Variants in PCDH15 observed in about 807,000 individuals in gnomAD.
PCDH15 encodes the protein protocadherin-15.
Under a neutral mutation model 178.5 loss-of-function variants are expected in PCDH15, and 129 were observed. That is an observed-to-expected ratio of 0.72 (90% CI 0.63 to 0.84). The LOEUF (loss-of-function observed/expected upper bound fraction) is 0.84, where lower values mean the gene tolerates loss of function less well. Ranked by LOEUF, PCDH15 falls within the 40% of genes least tolerant of loss-of-function variation. The probability of loss-of-function intolerance (pLI) is 0.00; values close to 1 mark genes in which losing one functional copy is unlikely to be tolerated. For synonymous variants in PCDH15, 800 were observed against 732.0 expected, an observed-to-expected ratio of 1.09 and a Z score of -1.50; for missense variants, 2,230 against 2,099.9, an observed-to-expected ratio of 1.06 and a Z score of -1.21.
intron 2 of PCDH15, among the ~76,000 whole-genome samples, chr10:55,011,046 T>C (rs551926825): frequency 4.1e-4 from 63 of 151,996 alleles, no homozygotes; most frequent in Non-Finnish European, 7.2e-4. Context: ...GAGGAATAAC[T>C]GAAAGAGGAT....
intron 3 of PCDH15, among the ~76,000 whole-genome samples, chr10:54,854,363 A>C (rs56855093): frequency 1.3e-5 from 2 of 152,102 alleles, no homozygotes; most frequent in Non-Finnish European, 2.9e-5. Flanking sequence ...TTTCAGCCCT[A>C]TTTGTGTTAC....
intron 1 of PCDH15, among the ~76,000 whole-genome samples, chr10:55,192,208 T>A (rs1409954962): frequency 6.6e-6 from 1 of 151,868 alleles, no homozygotes; most frequent in African/African-American, 2.4e-5. Context: ...AGAGACAGGA[T>A]GAAATTTGTA....
intron 1 of PCDH15, among the ~76,000 whole-genome samples, chr10:55,220,777 A>T (rs1369041579): frequency 6.6e-6 from 1 of 152,196 alleles, no homozygotes; most frequent in East Asian, 1.9e-4. Flanking sequence ...ATTTTTTCCT[A>T]TGGATATAAA....
At chr10:55,368,256 C>T (rs1355125186) in intron 2 of PCDH15, among the ~76,000 whole-genome samples, 4 of 152,082 alleles carry the variant, frequency 2.6e-5, no homozygotes, top group Admixed American at 6.6e-5. Context: ...TCAGTGTACA[C>T]ATAACATCAT....
chr10:54,321,893 G>A (rs1427765279), intron 7 of PCDH15, among the ~76,000 whole-genome samples: 1 of 151,858 alleles, frequency 6.6e-6, no homozygotes, highest in East Asian at 1.9e-4. Context: ...TTCCACACGT[G>A]GGAATTCTCC....
chr10:55,072,174 C>G (rs1841763847), intron 2 of PCDH15, among the ~76,000 whole-genome samples: 1 of 152,038 alleles, frequency 6.6e-6, no homozygotes, highest in Non-Finnish European at 1.5e-5. Flanking sequence ...ACCCTAACAT[C>G]ACAATTAAAA....
At chr10:54,271,421 G>C (rs559560313) in intron 8 of PCDH15, among the ~76,000 whole-genome samples, 62 of 152,130 alleles carry the variant, frequency 4.1e-4, no homozygotes, top group Admixed American at 1.3e-3. Context: ...AATTGGCGAG[G>C]CTGGTTTCGA....
intron 2 of PCDH15, among the ~76,000 whole-genome samples, chr10:55,544,310 G>A (rs1466084697): frequency 1.3e-5 from 2 of 150,978 alleles, no homozygotes; most frequent in East Asian, 3.9e-4. Flanking sequence ...GTTTTCCTCA[G>A]GTAATTTTGA....
At chr10:54,417,664 T>A (rs1487141944) in intron 3 of PCDH15, among the ~76,000 whole-genome samples, 1 of 152,204 alleles carries the variant, frequency 6.6e-6, no homozygotes, top group Non-Finnish European at 1.5e-5. Context: ...ACATTATTTG[T>A]CTTTTGAAAT....
At chr10:55,172,405 C>A (rs1193931074) in intron 1 of PCDH15, among the ~76,000 whole-genome samples, 1 of 151,552 alleles carries the variant, frequency 6.6e-6, no homozygotes, top group Non-Finnish European at 1.5e-5. Flanking sequence ...AAAGATAGGG[C>A]ATAATATCCT....
At chr10:54,877,934 CTCTCTTTTTTTTTTTTTTT>C (rs1954176097) in intron 3 of PCDH15, among the ~76,000 whole-genome samples, 3 of 28,778 alleles carry the variant, frequency 1.0e-4, no homozygotes, top group Non-Finnish European at 6.7e-5. Flanking sequence ...TTCTCTCTCT[CTCTCTTTTTTTTTTTTTTT>C]TTTTTTTTTT....
intron 1 of PCDH15, among the ~76,000 whole-genome samples, chr10:54,790,357 T>G (rs1363771298): frequency 6.6e-6 from 1 of 151,212 alleles, no homozygotes; most frequent in Non-Finnish European, 1.5e-5. Flanking sequence ...TATATATACC[T>G]ATATATGTAA....
chr10:54,657,630 T>C (rs533835357), intron 2 of PCDH15, among the ~76,000 whole-genome samples: 1 of 152,170 alleles, frequency 6.6e-6, no homozygotes, highest in African/African-American at 2.4e-5. Flanking sequence ...ATAAAGAACT[T>C]TGGCACACTG....
At chr10:54,853,996 C>A (rs905440020) in intron 3 of PCDH15, among the ~76,000 whole-genome samples, 1 of 152,166 alleles carries the variant, frequency 6.6e-6, no homozygotes, top group Non-Finnish European at 1.5e-5. Context: ...GCTTATGCTA[C>A]CAGCCTGGGT....
intron 1 of PCDH15, among the ~76,000 whole-genome samples, chr10:55,300,972 T>C (rs1462535017): frequency 6.6e-6 from 1 of 152,186 alleles, no homozygotes; most frequent in Non-Finnish European, 1.5e-5. Context: ...CACATCTACA[T>C]GGTATCATAA....
At chr10:53,899,936 T>G (rs2133613320) in intron 26 of PCDH15, among the ~76,000 whole-genome samples, 1 of 152,312 alleles carries the variant, frequency 6.6e-6, no homozygotes, top group East Asian at 1.9e-4. Context: ...AGATACGCTC[T>G]GCACTTTGTT....
intron 2 of PCDH15, among the ~76,000 whole-genome samples, chr10:55,480,375 G>C (rs1028094143): frequency 6.6e-6 from 1 of 151,668 alleles, no homozygotes; most frequent in African/African-American, 2.4e-5. Flanking sequence ...TGTTTAATAG[G>C]AGTGATGACA....
At position 53,812,369 on chromosome 10, in the gene PCDH15, G is replaced by A. The variant is rs766479357; in HGVS notation, c.4492-750C>T. On this transcript the variant is annotated intron_variant, in intron 35 of 37. Coordinates refer to ENST00000644397, the MANE Select transcript of PCDH15 (RefSeq NM_001384140.1). ...GCTACAGGCGCCCGCCACCACGCCCGTCTAAATTTTTGTATTTTTTTTTTT... is the reference window on the plus strand; with the variant it reads ...GCTACAGGCGCCCGCCACCACGCCCATCTAAATTTTTGTATTTTTTTTTTT... Among the ~76,000 whole-genome samples the A allele has an allele frequency of 9.8e-4, 137 of 140,134 alleles. 3 individuals are homozygous for A. Among genetic ancestry groups the A allele is most frequent in the Admixed American group, 9.2e-3 (124 of 13,532 alleles). The allele number at this position is 140,134 out of a possible 152,430, so 91.9% of individuals were successfully genotyped here. A position where few individuals can be genotyped will look rare whatever the true frequency, so the allele number is the denominator to read the frequency against.
chr10:55,449,087 T>A (rs1262009745), intron 2 of PCDH15, among the ~76,000 whole-genome samples: 2 of 152,044 alleles, frequency 1.3e-5, no homozygotes, highest in African/African-American at 4.8e-5. Context: ...ATTGAGGTAA[T>A]TATTCTCATT....
Sources: allele counts gnomAD v4.1 joint callset (sites outside exome capture counted in the v4.1 genomes callset), GRCh38; gene constraint gnomAD v4.1.1; transcripts MANE v1.5; gene names NCBI Gene and HGNC (gene_info 2026-07-23, HGNC 2026-07-21).